Variants in PLAGL1 observed in about 807,000 individuals in gnomAD.
The protein encoded by PLAGL1 is PLAG1 like zinc finger 1.
PLAGL1 carries 1 observed loss-of-function variant against 4.6 expected under a neutral mutation model. The observed-to-expected ratio is 0.22, with a 90% CI of 0.08 to 1.03. PLAGL1 has a LOEUF of 1.03. Ranked by LOEUF, PLAGL1 falls within the 50% of genes least tolerant of loss-of-function variation. PLAGL1 has a pLI of 0.58. For synonymous variants in PLAGL1, 240 were observed against 237.8 expected, an observed-to-expected ratio of 1.01 and a Z score of -0.08; for missense variants, 464 against 570.4, an observed-to-expected ratio of 0.81 and a Z score of 1.90.
Position 143,942,881 on chromosome 6 carries a change from T to G in PLAGL1, c.153-218A>C, listed in dbSNP as rs1287569789. Among the ~76,000 whole-genome samples the G allele has an allele frequency of 6.6e-6, 1 of 151,914 alleles. No individual in the cohort carries two copies. The highest frequency in any genetic ancestry group is 1.5e-5 in the Non-Finnish European group (1 of 68,038). ...CATTTTTCACACCTATAAAACGTTT[T>G]TTGAGACAGGATCTGACTCTTTTGC... On this transcript the variant is annotated intron_variant, in intron 7 of 7. Transcript: ENST00000674357. The surrounding 1 kb of genome is among the most constrained non-coding windows in gnomAD (Gnocchi z 7.6).
intron 1 of PLAGL1, among the ~76,000 whole-genome samples, chr6:144,033,634 G>A (rs1038110757): frequency 6.6e-6 from 1 of 152,230 alleles, no homozygotes; most frequent in South Asian, 2.1e-4. Flanking sequence ...CTGTAGTTAT[G>A]TGGAAAGCCA....
At chr6:144,003,623 CA>C (rs371417312) in intron 1 of PLAGL1, among the ~76,000 whole-genome samples, 2,211 of 118,126 alleles carry the variant, frequency 0.019, 56 homozygotes, top group African/African-American at 0.069. Context: ...GACTCCATCT[CA>C]AAAAAAAAAA....
chr6:143,941,410 A>G lies in PLAGL1; in HGVS notation c.*14T>C. The G allele has an allele frequency of 6.7e-7, 1 of 1,489,346 alleles. No individual in the cohort carries two copies. The highest frequency in any genetic ancestry group is 8.9e-7 in the Non-Finnish European group (1 of 1,118,578). 92.3% of individuals were successfully genotyped at this position (1,489,346 alleles called of 1,614,324 possible). A position where few individuals can be genotyped will look rare whatever the true frequency, so the allele number is the denominator to read the frequency against. Reference sequence around the variant, plus strand: ...ACATCTTCCAGAATACGAAAAATACACTTTAAAAATCAATTATCTGAATGC... The same window carrying G: ...ACATCTTCCAGAATACGAAAAATACGCTTTAAAAATCAATTATCTGAATGC... On this transcript the variant is annotated 3_prime_UTR_variant, in exon 8 of 8. Coordinates refer to ENST00000674357, the MANE Select transcript of PLAGL1 (RefSeq NM_001317162.2). The surrounding 1 kb of genome is among the most constrained non-coding windows in gnomAD (Gnocchi z 6.0).
rs1472019534 is a variant in PLAGL1, at chr6:144,022,373, T to A, written c.-151+42095A>T. On this transcript the variant is annotated intron_variant, in intron 1 of 3. Coordinates refer to the PLAGL1 transcript ENST00000437412. This position sits in a 1 kb window ranked among gnomAD's most constrained non-coding sequence, Gnocchi z 4.2. ...TTACTAGAATGGCTAAATTTGTTTTTAAAAGTTGACAATACAAAATGTTAA... is the reference window on the plus strand; with the variant it reads ...TTACTAGAATGGCTAAATTTGTTTTAAAAAGTTGACAATACAAAATGTTAA... Among the ~76,000 whole-genome samples, 1 of 152,214 alleles carries A rather than the reference T, an allele frequency of 6.6e-6. No homozygotes were observed. The highest frequency in any genetic ancestry group is 1.5e-5 in the Non-Finnish European group (1 of 68,046).
rs1171684770 is a variant in PLAGL1 at position 144,015,569 on chromosome 6, C to A, written c.-150-46591G>T. Among the ~76,000 whole-genome samples the A allele has an allele frequency of 1.3e-5, 2 of 152,170 alleles. No homozygotes were observed. Among genetic ancestry groups the A allele is most frequent in the Admixed American group, 1.3e-4 (2 of 15,278 alleles). On this transcript the variant is annotated intron_variant, in intron 1 of 3. Transcript: ENST00000437412. The surrounding 1 kb of genome is among the most constrained non-coding windows in gnomAD (Gnocchi z 4.3). ...AAAATATTTGAAGAACCCAATAATACAATAAACAATACACTTCACTAAATA... is the reference window on the plus strand; with the variant it reads ...AAAATATTTGAAGAACCCAATAATAAAATAAACAATACACTTCACTAAATA...
chr6:144,019,256 G>A (rs543811433), intron 1 of PLAGL1, among the ~76,000 whole-genome samples: 188 of 152,154 alleles, frequency 1.2e-3, no homozygotes, highest in African/African-American at 4.4e-3. Flanking sequence ...GGTGGATCAC[G>A]AGGTCAGGAG....
At position 143,954,937 on chromosome 6, in the gene PLAGL1, C is replaced by G. The variant is rs1190055665; in HGVS notation, c.-325+5532G>C. ...AACAGAAATATAGTTTAAATACCATCATATTAGCCAGAAAATAAAGACAGG... is the reference window on the plus strand; with the variant it reads ...AACAGAAATATAGTTTAAATACCATGATATTAGCCAGAAAATAAAGACAGG... On this transcript the variant is annotated intron_variant, in intron 6 of 7. Coordinates refer to ENST00000674357, the MANE Select transcript of PLAGL1 (RefSeq NM_001317162.2). This position sits in a 1 kb window ranked among gnomAD's most constrained non-coding sequence, Gnocchi z 5.1. Among the ~76,000 whole-genome samples the G allele has an allele frequency of 6.6e-6, 1 of 152,150 alleles. No individual in the cohort carries two copies. The highest frequency in any genetic ancestry group is 1.5e-5 in the Non-Finnish European group (1 of 68,020).
In PLAGL1 at chr6:144,013,551, G is replaced by C. The variant is rs913890989; in HGVS notation, c.-150-44573C>G. On this transcript the variant is annotated intron_variant, in intron 1 of 3. Transcript: ENST00000437412. The surrounding 1 kb of genome is among the most constrained non-coding windows in gnomAD (Gnocchi z 4.4). Reference sequence around the variant, plus strand: ...AACATGAAATTTATTTTCTGAGTCCGAAAGGCCAGAAGTCTGAAATCAAGA... The same window carrying C: ...AACATGAAATTTATTTTCTGAGTCCCAAAGGCCAGAAGTCTGAAATCAAGA... 6.6e-6 allele frequency among the ~76,000 whole-genome samples: 1 copy of C among 152,164 alleles called. No individual in the cohort carries two copies. The highest frequency in any genetic ancestry group is 1.5e-5 in the Non-Finnish European group (1 of 68,022).
In PLAGL1 at chr6:143,973,263, C is replaced by G. The variant is rs1369144468; in HGVS notation, c.-543-4285G>C. 6.6e-6 allele frequency among the ~76,000 whole-genome samples: 1 copy of G among 152,202 alleles called. No homozygotes were observed. The highest frequency in any genetic ancestry group is 1.5e-5 in the Non-Finnish European group (1 of 68,040). On this transcript the variant is annotated intron_variant, in intron 2 of 7. Coordinates refer to ENST00000674357, the MANE Select transcript of PLAGL1 (RefSeq NM_001317162.2). The surrounding 1 kb of genome is among the most constrained non-coding windows in gnomAD (Gnocchi z 6.2). ...ATCAAAGGCCCACCTCTCTTTCCCT[C>G]CATTGCTTTCATTAGGCCCAGCCCA...
intron 3 of PLAGL1, chr6:143,967,555 ATCCTATTT>A (rs1262612702): frequency 6.6e-6 from 1 of 152,138 alleles, no homozygotes; most frequent in African/African-American, 2.4e-5. Flanking sequence ...AAGCAGTGTA[ATCCTATTT>A]AATGTGCTGT....
Position 143,957,049 on chromosome 6 carries a change from A to G in PLAGL1, c.-325+3420T>C, listed in dbSNP as rs75675887. 1.9e-3 allele frequency among the ~76,000 whole-genome samples: 295 copies of G among 152,380 alleles called. 4 individuals carry two copies. The highest frequency in any genetic ancestry group is 0.014 in the East Asian group (73 of 5,192). On this transcript the variant is annotated intron_variant, in intron 6 of 7. Transcript: ENST00000674357. The surrounding 1 kb of genome is among the most constrained non-coding windows in gnomAD (Gnocchi z 4.2). ...TGGGTCATCCAGTATAGTACCCACC[A>G]GGGGGAACGGAGGAAAAGAAATATT... is the stretch of plus-strand genomic sequence containing the variant.
chr6:143,986,545 A>G (rs6928291), intron 1 of PLAGL1, among the ~76,000 whole-genome samples: 11 of 152,298 alleles, frequency 7.2e-5, no homozygotes, highest in Non-Finnish European at 1.3e-4. Context: ...GAGAACTGAA[A>G]TTTTTGAACA....
chr6:144,032,946 A>C (rs1016454652), intron 1 of PLAGL1, among the ~76,000 whole-genome samples: 1 of 152,212 alleles, frequency 6.6e-6, no homozygotes, highest in Non-Finnish European at 1.5e-5. Flanking sequence ...ATATCGGGGC[A>C]ATAGACATGT....
rs1296064916 is a variant in PLAGL1 at position 144,030,281 on chromosome 6, A to AAAAAAAAG, written c.-151+34186_-151+34187insCTTTTTTT. Reference sequence around the variant, plus strand: ...AAAAAAAAAAAAAAAAAAAAAAAAAAAAGAAGATGTAAATTTTAATACAAT... The same window carrying AAAAAAAAG: ...AAAAAAAAAAAAAAAAAAAAAAAAAAAAAAAAAGAAGAAGATGTAAATTTTAATACAAT... On this transcript the variant is annotated intron_variant, in intron 1 of 3. Coordinates refer to the PLAGL1 transcript ENST00000437412. 1.2e-3 allele frequency among the ~76,000 whole-genome samples: 161 copies of AAAAAAAAG among 132,944 alleles called. 12 individuals carry two copies. The highest frequency in any genetic ancestry group is 4.3e-3 in the African/African-American group (135 of 31,630). 87.2% of individuals were successfully genotyped at this position (132,944 alleles called of 152,430 possible). A position where few individuals can be genotyped will look rare whatever the true frequency, so the allele number is the denominator to read the frequency against.
intron 1 of PLAGL1, among the ~76,000 whole-genome samples, chr6:144,040,473 G>A (rs1365219730): frequency 6.6e-6 from 1 of 152,032 alleles, no homozygotes; most frequent in Non-Finnish European, 1.5e-5. Context: ...AGGTTGTGGT[G>A]AGCCAAGATC....
rs757138254 is a variant in PLAGL1 at position 143,983,027 on chromosome 6, G to C, written c.-544+2108C>G. On this transcript the variant is annotated intron_variant, in intron 2 of 7. Transcript: ENST00000674357. This position sits in a 1 kb window ranked among gnomAD's most constrained non-coding sequence, Gnocchi z 6.6. ...TGGGAGCAGCTAGGGAGTGAGAATC[G>C]ACAGAGGACAAGTACAGAGACTGTG... Among the ~76,000 whole-genome samples, 2 of 152,134 alleles carry C rather than the reference G, an allele frequency of 1.3e-5. No individual in the cohort carries two copies. Among genetic ancestry groups the C allele is most frequent in the Non-Finnish European group, 1.5e-5 (1 of 68,014 alleles).
At chr6:144,030,920 T>A (rs909684659) in intron 1 of PLAGL1, among the ~76,000 whole-genome samples, 5 of 152,234 alleles carry the variant, frequency 3.3e-5, no homozygotes, top group Admixed American at 6.5e-5. Context: ...TACTTTTAGT[T>A]CTTTAAGGAA....
intron 6 of PLAGL1, among the ~76,000 whole-genome samples, chr6:143,956,856 G>T (rs1015202155): frequency 3.9e-5 from 6 of 152,258 alleles, no homozygotes; most frequent in Non-Finnish European, 7.3e-5. Context: ...CAAGGGGGAA[G>T]GGATGACTCT....
At position 143,947,343 on chromosome 6, in the gene PLAGL1, T is replaced by C. The variant is rs1471667550; in HGVS notation, c.152+642A>G. 1.3e-5 allele frequency among the ~76,000 whole-genome samples: 2 copies of C among 152,204 alleles called. No individual in the cohort carries two copies. Among genetic ancestry groups the C allele is most frequent in the Non-Finnish European group, 2.9e-5 (2 of 68,040 alleles). On this transcript the variant is annotated intron_variant, in intron 7 of 7. Transcript: ENST00000674357. This position sits in a 1 kb window ranked among gnomAD's most constrained non-coding sequence, Gnocchi z 4.3. ...TCTGAGAGCAGGTTTCAAATCAGCC[T>C]TCCTGCCACTTCTTCAAATTATTAT...
Sources: gnomAD v4.1 joint callset for allele counts (sites outside exome capture counted in the v4.1 genomes callset) on GRCh38, gnomAD v4.1.1 for gene constraint, Gnocchi (gnomAD v3.1) non-coding constraint, MANE v1.5 for transcripts, NCBI Gene and HGNC (gene_info 2026-07-23, HGNC 2026-07-21) for gene names.